FGFR3: variants seen among roughly 807,000 people sequenced by gnomAD.
FGFR3 encodes fibroblast growth factor receptor 3.
A neutral mutation model predicts 82.9 loss-of-function variants in FGFR3; 25 were observed. The observed-to-expected ratio is 0.30, with a 90% CI of 0.22 to 0.42. The LOEUF is 0.42. Ranked by LOEUF, FGFR3 falls within the 10% of genes least tolerant of loss-of-function variation. FGFR3 has a pLI of 1.00. For synonymous variants in FGFR3, 620 were observed against 516.0 expected, an observed-to-expected ratio of 1.20 and a Z score of -2.73; for missense variants, 1,026 against 1,161.0, an observed-to-expected ratio of 0.88 and a Z score of 1.69.
At position 1,793,860 on chromosome 4, in the gene FGFR3, G is replaced by C. The variant is rs1720135702; in HGVS notation, c.-75G>C. 4.8e-6 allele frequency: 2 copies of C among 417,568 alleles called. No homozygotes were observed. The highest frequency in any genetic ancestry group is 6.6e-6 in the Non-Finnish European group (2 of 302,662). 25.9% of individuals were successfully genotyped at this position (417,568 alleles called of 1,614,324 possible). A position where few individuals can be genotyped will look rare whatever the true frequency, so the allele number is the denominator to read the frequency against. ...TCCCGAGCGGCGCCCGCCTCCCGCC[G>C]GTGCCCGCGCCGGGCCGTGGGGGGC... On this transcript the variant is annotated 5_prime_UTR_variant, in exon 2 of 18. Transcript: ENST00000440486.
intron 2 of FGFR3, among the ~76,000 whole-genome samples, chr4:1,794,331 T>A (rs1475019628): frequency 6.6e-6 from 1 of 152,202 alleles, no homozygotes; most frequent in African/African-American, 2.4e-5. Context: ...CCCTGGCCTG[T>A]CGGGAGGGCG....
chr4:1,794,536 C>T lies in FGFR3; in HGVS notation c.109+493C>T, dbSNP rs543816742. On this transcript the variant is annotated intron_variant, in intron 2 of 17. Transcript: ENST00000440486. ...CCTGCCCGCCCGAAGAGGCAGCAGC[C>T]TCCAGCGTCCCCGCTGCCGACCCTG... Among the ~76,000 whole-genome samples, 125 of 152,316 alleles carry T rather than the reference C, an allele frequency of 8.2e-4. 2 individuals are homozygous for T. In the Middle Eastern group the frequency reaches 0.02, roughly 25 times the overall value.
At chr4:1,796,609 G>C (rs898671615) in intron 2 of FGFR3, among the ~76,000 whole-genome samples, 10 of 152,172 alleles carry the variant, frequency 6.6e-5, no homozygotes, top group African/African-American at 2.4e-4. Flanking sequence ...GTCAACCCGA[G>C]GGGCTTATGA....
rs1336555196 is a variant in FGFR3 at position 1,804,379 on chromosome 4, C to T, written c.1125C>T (p.Gly375=). The T allele has an allele frequency of 1.2e-6, 2 of 1,612,966 alleles. No individual in the cohort carries two copies. The highest frequency in any genetic ancestry group is 2.2e-5 in the East Asian group (1 of 44,878). ...EADEAGSVYA[G]ILSYGVGFFL... Reference sequence around the variant, plus strand: ...ACGAGGCGGGCAGTGTGTATGCAGGCATCCTCAGCTACGGGGTGGGCTTCT... The same window carrying T: ...ACGAGGCGGGCAGTGTGTATGCAGGTATCCTCAGCTACGGGGTGGGCTTCT... The change falls in exon 9 of 18, where the codon GGC becomes GGT. Residue 375 remains glycine (G), a synonymous_variant. Transcript: ENST00000440486.
Position 1,807,752 on chromosome 4 carries a change from A to T in FGFR3, c.*490A>T. On this transcript the variant is annotated 3_prime_UTR_variant, in exon 18 of 18. Transcript: ENST00000440486. ...GGGGTGTTAGTGGCACCGCCTCCCCACCTCCAGGCTTTCCCACTTCCCACC... is the reference window on the plus strand; with the variant it reads ...GGGGTGTTAGTGGCACCGCCTCCCCTCCTCCAGGCTTTCCCACTTCCCACC... The T allele has an allele frequency of 3.5e-6, 2 of 576,198 alleles. No individual in the cohort carries two copies. The highest frequency in any genetic ancestry group is 6.8e-5 in the East Asian group (2 of 29,252). The allele number at this position is 576,198 out of a possible 1,614,324, so 35.7% of individuals were successfully genotyped here.
Position 1,804,824 on chromosome 4 carries a change from G to C in FGFR3, c.1267G>C (p.Val423Leu), listed in dbSNP as rs1256546303. Residue 423 changes from valine to leucine, a missense_variant and splice_region_variant, in exon 10 of 18, where the codon GTG becomes CTG. Transcript: ENST00000440486. ...KISRFPLKRQ[V>L]SLESNASMSS... ...AACCTGCCCCTGCTGACCCAAGCAG[G>C]TGTCCCTGGAGTCCAACGCGTCCAT... 8 of 1,549,572 alleles carry C rather than the reference G, an allele frequency of 5.2e-6. No individual in the cohort carries two copies. Among genetic ancestry groups the C allele is most frequent in the African/African-American group, 2.7e-5 (2 of 73,034 alleles).
intron 7 of FGFR3, among the ~76,000 whole-genome samples, chr4:1,802,760 G>C (rs1347282171): frequency 6.6e-6 from 1 of 152,192 alleles, no homozygotes; most frequent in Admixed American, 6.5e-5. Context: ...TGAAACCACA[G>C]CCACCGTGAA....
intron 2 of FGFR3, among the ~76,000 whole-genome samples, chr4:1,796,082 T>C (rs1720477085): frequency 6.6e-6 from 1 of 152,140 alleles, no homozygotes; most frequent in Non-Finnish European, 1.5e-5. Context: ...AGGACGGGGA[T>C]CTAAAGTCAC....
intron 4 of FGFR3, 129 bp from the exon 5 acceptor site, chr4:1,801,238 C>A (rs539142957): frequency 9.4e-7 from 1 of 1,069,014 alleles, no homozygotes; most frequent in African/African-American, 1.6e-5. Flanking sequence ...AACCTCATCC[C>A]GCCCTCTTCC....
chr4:1,797,724 C>T (rs889614987), intron 2 of FGFR3, among the ~76,000 whole-genome samples: 7 of 152,154 alleles, frequency 4.6e-5, no homozygotes, highest in East Asian at 1.9e-4. Context: ...CCCCTGACTG[C>T]GGGGTCCCTA....
At chr4:1,794,171 C>T (rs1720182866) in intron 2 of FGFR3, 128 bp downstream of exon 2, 2 of 447,896 alleles carry the variant, frequency 4.5e-6, no homozygotes, top group South Asian at 8.2e-5. Flanking sequence ...AGCCCGGATT[C>T]CGCTGCCTCC....
chr4:1,806,985 C>T lies in FGFR3; in HGVS notation c.2274+51C>T, dbSNP rs558272924. 6 of 1,561,922 alleles carry T rather than the reference C, an allele frequency of 3.8e-6. No individual in the cohort carries two copies. The African/African-American group carries it at 4.1e-5, about 11-fold the overall frequency. Reference sequence around the variant, plus strand: ...CACCCGCCTATGCCCCTCCCCCTGCCGTCCCCGGCCATCCTGCCCCCCAGA... The same window carrying T: ...CACCCGCCTATGCCCCTCCCCCTGCTGTCCCCGGCCATCCTGCCCCCCAGA... On this transcript the variant is annotated intron_variant, in intron 17 of 17. Coordinates refer to ENST00000440486, the MANE Select transcript of FGFR3 (RefSeq NM_000142.5).
intron 4 of FGFR3, among the ~76,000 whole-genome samples, 163 bp from the exon 5 acceptor site, chr4:1,801,204 G>A (rs1182191055): frequency 1.3e-5 from 2 of 152,220 alleles, no homozygotes; most frequent in African/African-American, 4.8e-5. Context: ...CCCGGGGAGG[G>A]GACAAGATGT....
chr4:1,804,100 G>A (rs1335309662), intron 8 of FGFR3, among the ~76,000 whole-genome samples: 1 of 152,226 alleles, frequency 6.6e-6, no homozygotes, highest in Non-Finnish European at 1.5e-5. Flanking sequence ...TCTCCCGGGC[G>A]CCTGGTGGCG....
intron 2 of FGFR3, among the ~76,000 whole-genome samples, chr4:1,794,676 G>T (rs1720256622): frequency 6.6e-6 from 1 of 152,138 alleles, no homozygotes; most frequent in South Asian, 2.1e-4. Flanking sequence ...TCCAGGTCCC[G>T]CGGGACGTCG....
intron 4 of FGFR3, 75 bp downstream of exon 4, chr4:1,799,887 C>T (rs1577269689): frequency 1.9e-6 from 3 of 1,542,368 alleles, no homozygotes; most frequent in East Asian, 2.3e-5. Context: ...CCTTCACAGG[C>T]AGCTGAGGGA....
intron 2 of FGFR3, among the ~76,000 whole-genome samples, chr4:1,794,844 C>G (rs956050780): frequency 6.6e-6 from 1 of 151,648 alleles, no homozygotes; most frequent in African/African-American, 2.4e-5. Flanking sequence ...GGGGCGCGCA[C>G]AGCTCAGCCC....
chr4:1,801,811 C>G, intron 6 of FGFR3, 24 bp from the exon 7 acceptor site: 1 of 1,601,856 alleles, frequency 6.2e-7, no homozygotes, highest in Non-Finnish European at 8.5e-7. Flanking sequence ...GGGGGTGGCC[C>G]CTGAGCGTCA....
chr4:1,795,193 T>G (rs923575508), intron 2 of FGFR3, among the ~76,000 whole-genome samples: 21 of 151,524 alleles, frequency 1.4e-4, no homozygotes, highest in Non-Finnish European at 2.1e-4. Flanking sequence ...CGTCGGGAGG[T>G]CAGCGCGCGC....
Sources: gnomAD v4.1 joint callset for allele counts (sites outside exome capture counted in the v4.1 genomes callset) on GRCh38, gnomAD v4.1.1 for gene constraint, MANE v1.5 for transcripts, NCBI Gene and HGNC (gene_info 2026-07-23, HGNC 2026-07-21) for gene names.